TACC2: variants seen among roughly 807,000 people sequenced by gnomAD.
TACC2 encodes transforming acidic coiled-coil containing protein 2, also known as transforming acidic coiled-coil-containing protein 2.
A neutral mutation model predicts 227.3 loss-of-function variants in TACC2; 137 were observed. The ratio of observed to expected loss-of-function variants is 0.60; its 90% CI spans 0.52 to 0.69. The LOEUF (loss-of-function observed/expected upper bound fraction) is 0.69. Among genes scored for constraint, TACC2 ranks in the 30% least tolerant of loss-of-function variants. The probability of loss-of-function intolerance (pLI) is 0.00; values close to 1 mark genes in which losing one functional copy is unlikely to be tolerated. For synonymous variants in TACC2, 1,523 were observed against 1,487.5 expected (o/e 1.02, Z -0.55); for missense variants, 3,470 against 3,694.4 (o/e 0.94, Z 1.57).
intron 1 of TACC2, among the ~76,000 whole-genome samples, chr10:122,002,772 T>TC (rs1954562301): frequency 6.6e-6 from 1 of 152,246 alleles, no homozygotes; most frequent in African/African-American, 2.4e-5. Context: ...CATCTGCAAA[T>TC]CAGCCTCTTA....
intron 1 of TACC2, among the ~76,000 whole-genome samples, chr10:122,017,098 G>A (rs1226188161): frequency 2.6e-5 from 4 of 151,920 alleles, no homozygotes; most frequent in African/African-American, 7.3e-5. Flanking sequence ...TGAAGCCACC[G>A]AATCTGTGGT....
intron 3 of TACC2, among the ~76,000 whole-genome samples, chr10:122,056,666 A>G (rs1257465367): frequency 1.3e-5 from 2 of 152,044 alleles, no homozygotes; most frequent in Non-Finnish European, 2.9e-5. Context: ...AGGGAGCTTG[A>G]GTGAAAGGGG....
chr10:122,085,252 C>T lies in TACC2; in HGVS notation c.2752C>T (p.Pro918Ser). The T allele has an allele frequency of 6.2e-7, 1 of 1,614,086 alleles. No homozygotes were observed. The highest frequency in any genetic ancestry group is 8.5e-7 in the Non-Finnish European group (1 of 1,180,042). ...GTLSDTPTSS[P>S]TDMVWESSLT... ...CCTGTCTGATACTCCAACTTCATCT[C>T]CCACTGACATGGTTTGGGAGAGTTC... The change falls in exon 4 of 23, where the codon CCC becomes TCC. Residue 918 changes from proline to serine, a missense_variant. Pro to Ser is a moderately conservative substitution (Grantham distance 74). Coordinates refer to ENST00000369005, the MANE Select transcript of TACC2 (RefSeq NM_206862.4).
chr10:122,242,073 A>G, intron 19 of TACC2, 72 bp downstream of exon 19: 1 of 1,419,966 alleles, frequency 7.0e-7, no homozygotes, highest in Non-Finnish European at 1.0e-6. Flanking sequence ...CTTGGAAGAT[A>G]GGAGGCTCAG....
intron 2 of TACC2, among the ~76,000 whole-genome samples, chr10:122,043,752 G>A (rs1469430307): frequency 1.3e-5 from 2 of 152,052 alleles, no homozygotes; most frequent in Non-Finnish European, 2.9e-5. Context: ...GCTAATTTTT[G>A]TACTTTTAGT....
chr10:122,143,609 T>C lies in TACC2; in HGVS notation c.5737T>C (p.Ser1913Pro), dbSNP rs534481630. 4 of 1,614,116 alleles carry C rather than the reference T, an allele frequency of 2.5e-6. No individual in the cohort carries two copies. In the Admixed American group the frequency reaches 6.7e-5, roughly 27 times the overall value. ...PAAAHAGLPP[S>P]AAEHIVSPSA... ...TGCTGCCCATGCGGGTCTTCCTCCC[T>C]CGGCTGCAGAACACATAGTTTCGCC... The change falls in exon 7 of 23, where the codon TCG (serine) becomes CCG (proline). Residue 1913 changes from serine (S) to proline (P), a missense_variant. Transcript: ENST00000369005.
intron 2 of TACC2, among the ~76,000 whole-genome samples, chr10:122,024,566 C>G (rs945573900): frequency 1.3e-5 from 2 of 152,210 alleles, no homozygotes; most frequent in African/African-American, 2.4e-5. Context: ...CCTCTCATCC[C>G]TAACCCCTGG....
chr10:122,165,346 C>G (rs1045294209), intron 7 of TACC2, among the ~76,000 whole-genome samples: 1 of 152,146 alleles, frequency 6.6e-6, no homozygotes. Flanking sequence ...CCAACTCTCA[C>G]GGCTCAGACC....
At chr10:122,126,451 A>G (rs2086898055) in intron 5 of TACC2, among the ~76,000 whole-genome samples, 1 of 151,992 alleles carries the variant, frequency 6.6e-6, no homozygotes, top group African/African-American at 2.4e-5. Context: ...ACGTGTATGT[A>G]CACATGCATG....
chr10:122,206,870 C>T (rs993620012), intron 8 of TACC2, among the ~76,000 whole-genome samples: 3 of 152,156 alleles, frequency 2.0e-5, no homozygotes, highest in Admixed American at 6.5e-5. Context: ...TCTATGTCCT[C>T]GGCACACCCC....
At chr10:122,092,096 G>A (rs2080886081) in intron 5 of TACC2, among the ~76,000 whole-genome samples, 1 of 152,216 alleles carries the variant, frequency 6.6e-6, no homozygotes, top group African/African-American at 2.4e-5. Flanking sequence ...GCAGTGACCT[G>A]CACGATTATA....
intron 9 of TACC2, among the ~76,000 whole-genome samples, chr10:122,213,542 A>G (rs1448218308): frequency 3.9e-5 from 6 of 152,088 alleles, no homozygotes; most frequent in African/African-American, 1.4e-4. Context: ...AGCAAAGATT[A>G]CTTTTCTGTT....
chr10:122,056,404 A>T (rs1441902334), intron 3 of TACC2, among the ~76,000 whole-genome samples: 1 of 152,062 alleles, frequency 6.6e-6, no homozygotes, highest in Admixed American at 6.6e-5. Flanking sequence ...CGAACTCTTG[A>T]CCTCAGGTGA....
intron 14 of TACC2, 65 bp from the exon 15 acceptor site, chr10:122,229,281 G>T: frequency 6.3e-7 from 1 of 1,589,742 alleles, no homozygotes; most frequent in South Asian, 1.1e-5. Flanking sequence ...CCCTTGCTTG[G>T]AATCAATATC....
intron 8 of TACC2, among the ~76,000 whole-genome samples, chr10:122,208,927 G>A (rs1324748236): frequency 6.6e-6 from 1 of 152,244 alleles, no homozygotes; most frequent in South Asian, 2.1e-4. Context: ...GCCTGGAGCA[G>A]CTGTGACCTC....
intron 8 of TACC2, among the ~76,000 whole-genome samples, chr10:122,207,160 G>A (rs767627595): frequency 2.6e-5 from 4 of 152,180 alleles, no homozygotes; most frequent in African/African-American, 4.8e-5. Flanking sequence ...TTAGCCAGGC[G>A]TGGTGGCACA....
At chr10:122,155,146 G>T (rs926739098) in intron 7 of TACC2, among the ~76,000 whole-genome samples, 1 of 152,162 alleles carries the variant, frequency 6.6e-6, no homozygotes, top group Non-Finnish European at 1.5e-5. Flanking sequence ...CTGTGCTTTC[G>T]TCTCGGAAGC....
intron 8 of TACC2, among the ~76,000 whole-genome samples, chr10:122,196,883 C>T (rs1296892130): frequency 6.0e-5 from 8 of 132,502 alleles, no homozygotes; most frequent in East Asian, 2.5e-4. Context: ...TTGCAGTGAG[C>T]GGAGATCACA....
chr10:122,015,106 T>TA (rs10590944), intron 1 of TACC2, among the ~76,000 whole-genome samples: 9,225 of 147,318 alleles, frequency 0.063, 396 homozygotes, highest in Non-Finnish European at 0.092. Context: ...TCATCTGCTA[T>TA]AAAAAAAAAA....
Sources: gnomAD v4.1 joint callset for allele counts (sites outside exome capture counted in the v4.1 genomes callset) on GRCh38, gnomAD v4.1.1 for gene constraint, MANE v1.5 for transcripts, NCBI Gene and HGNC (gene_info 2026-07-23, HGNC 2026-07-21) for gene names.